DNAJA3: variants seen among roughly 807,000 people sequenced by gnomAD.
The protein encoded by DNAJA3 is DnaJ heat shock protein family (Hsp40) member A3.
DNAJA3 carries 29 observed loss-of-function variants against 54.9 expected under a neutral mutation model. The ratio of observed to expected loss-of-function variants is 0.53; its 90% CI spans 0.39 to 0.72. The LOEUF is 0.72. DNAJA3 is among the 30% of genes least tolerant of loss of function. The pLI is 0.00. For missense variants in DNAJA3, 708 were observed against 639.4 expected (o/e 1.11, Z -1.16); for synonymous variants, 302 against 251.4 (o/e 1.20, Z -1.90).
intron 2 of DNAJA3, 102 bp downstream of exon 2, chr16:4,434,619 C>G: frequency 7.5e-7 from 1 of 1,334,940 alleles, no homozygotes; most frequent in South Asian, 1.4e-5. Flanking sequence ...ATGAATAGGT[C>G]TCATGAGCTG....
intron 6 of DNAJA3, 124 bp from the exon 7 acceptor site, chr16:4,444,540 T>G: frequency 1.4e-6 from 1 of 719,916 alleles, no homozygotes; most frequent in Non-Finnish European, 2.4e-6. Flanking sequence ...TTCACCATGT[T>G]GGCCAGGATG....
At chr16:4,442,536 A>G in intron 5 of DNAJA3, 116 bp downstream of exon 5, 1 of 1,253,100 alleles carries the variant, frequency 8.0e-7, no homozygotes, top group Non-Finnish European at 1.1e-6. Context: ...TGGTGAACTC[A>G]GCCTGGCTGT....
At chr16:4,447,536 G>C (rs6500603) in intron 8 of DNAJA3, 102,369 of 152,836 alleles carry the variant, frequency 0.67, 34,579 homozygotes, top group Non-Finnish European at 0.71. Context: ...TAACCTCCAT[G>C]AAGGAGGTGG....
chr16:4,455,649 C>A lies in DNAJA3; in HGVS notation c.*117C>A. 6.7e-7 allele frequency: 1 copy of A among 1,501,300 alleles called. No homozygotes were observed. Among genetic ancestry groups the A allele is most frequent in the Non-Finnish European group, 9.1e-7 (1 of 1,101,738 alleles). 93.0% of individuals were successfully genotyped at this position (1,501,300 alleles called of 1,614,324 possible). A position where few individuals can be genotyped will look rare whatever the true frequency, so the allele number is the denominator to read the frequency against. On this transcript the variant is annotated 3_prime_UTR_variant, in exon 12 of 12. Coordinates refer to ENST00000262375, the MANE Select transcript of DNAJA3 (RefSeq NM_005147.6). ...CAGAACAGCAGCACTGAGCTCCCAC[C>A]CGCAGAGCCTCTGGACGGCCTTGGC...
At position 4,433,668 on chromosome 16, in the gene DNAJA3, AAAAATATG is replaced by A. The variant is rs146112104; in HGVS notation, c.212-701_212-694del. ...AGTTGTTAAGCATTAAATGTGACAG[AAAAATATG>A]AAAATATGAAAATACCTAGCAAATG... On this transcript the variant is annotated intron_variant, in intron 1 of 11. Coordinates refer to ENST00000262375, the MANE Select transcript of DNAJA3 (RefSeq NM_005147.6). Among the ~76,000 whole-genome samples, 430 of 152,306 alleles carry A rather than the reference AAAAATATG, an allele frequency of 2.8e-3. 5 individuals are homozygous for A. The highest frequency in any genetic ancestry group is 9.7e-3 in the African/African-American group (403 of 41,574).
At chr16:4,437,778 C>T (rs567523111) in intron 3 of DNAJA3, among the ~76,000 whole-genome samples, 1 of 143,684 alleles carries the variant, frequency 7.0e-6, no homozygotes, top group East Asian at 2.0e-4. Flanking sequence ...AGTAAGACCA[C>T]GTCTCTACAA....
intron 1 of DNAJA3, 135 bp downstream of exon 1, chr16:4,426,227 C>T: frequency 2.9e-6 from 3 of 1,031,200 alleles, no homozygotes; most frequent in South Asian, 4.2e-5. Flanking sequence ...GCCGGAGACA[C>T]AGACAGGCAG....
At chr16:4,428,856 T>C (rs1331811850) in intron 1 of DNAJA3, among the ~76,000 whole-genome samples, 2 of 151,260 alleles carry the variant, frequency 1.3e-5, no homozygotes, top group African/African-American at 4.9e-5. Context: ...CTGGGCAACA[T>C]AGGCAGATCC....
chr16:4,437,645 T>C (rs2056787728), intron 3 of DNAJA3, 160 bp downstream of exon 3: 2 of 613,724 alleles, frequency 3.3e-6, no homozygotes, highest in Non-Finnish European at 5.6e-6. Context: ...AAAAAAGAGA[T>C]TCCAGGCCAA....
rs1062706 is a variant in DNAJA3, at chr16:4,437,485, G to A, written c.429G>A (p.Glu143=). The change falls in exon 3 of 12, where the codon GAG becomes GAA. Residue 143 remains glutamate (E), a splice_region_variant and synonymous_variant. Transcript: ENST00000262375. Reference sequence around the variant, plus strand: ...TCTCCCAGCTGGCAGAAGCCTATGAGGTAATATGACTTCGGTGCATGCGGT... The same window carrying A: ...TCTCCCAGCTGGCAGAAGCCTATGAAGTAATATGACTTCGGTGCATGCGGT... ...EKFSQLAEAY[E]VLSDEVKRKQ... 0.014 allele frequency: 23,274 copies of A among 1,613,354 alleles called. 244 individuals are homozygous for A. Among genetic ancestry groups the A allele is most frequent in the Admixed American group, 0.032 (1,942 of 59,980 alleles).
chr16:4,448,930 A>G lies in DNAJA3; in HGVS notation c.1241+82A>G, dbSNP rs547643586. The G allele has an allele frequency of 1.6e-4, 164 of 1,021,618 alleles. No homozygotes were observed. The African/African-American group carries it at 2.3e-3, about 15-fold the overall frequency. 63.3% of individuals were successfully genotyped at this position (1,021,618 alleles called of 1,614,324 possible). A position where few individuals can be genotyped will look rare whatever the true frequency, so the allele number is the denominator to read the frequency against. On this transcript the variant is annotated intron_variant, in intron 9 of 11. Transcript: ENST00000262375. ...TGGAGCTCTGTGGCTTGGGCAGGTT[A>G]CTGCTCCCTGTAAGTCAGGTGGTTC...
At chr16:4,452,083 C>T (rs200274472) in intron 10 of DNAJA3, among the ~76,000 whole-genome samples, 1 of 151,720 alleles carries the variant, frequency 6.6e-6, no homozygotes, top group African/African-American at 2.4e-5. Context: ...AAAACAACAA[C>T]AAAAAAGCAG....
intron 9 of DNAJA3, 31 bp downstream of exon 9, chr16:4,448,879 G>T (rs749564392): frequency 3.2e-6 from 5 of 1,551,894 alleles, no homozygotes; most frequent in Non-Finnish European, 4.4e-6. Context: ...GGCCAAGCCC[G>T]CCTGGTCCTG....
chr16:4,428,632 G>T (rs551683697), intron 1 of DNAJA3, among the ~76,000 whole-genome samples: 1 of 152,312 alleles, frequency 6.6e-6, no homozygotes, highest in South Asian at 2.1e-4. Flanking sequence ...ACTGCGGTTA[G>T]CTGTCTTGTT....
At chr16:4,437,680 C>T in intron 3 of DNAJA3, 195 bp downstream of exon 3, 1 of 508,266 alleles carries the variant, frequency 2.0e-6, no homozygotes, top group Non-Finnish European at 3.5e-6. Flanking sequence ...TCCTGTAGTC[C>T]TAGCACTTTG....
intron 1 of DNAJA3, among the ~76,000 whole-genome samples, chr16:4,426,566 A>G (rs979449195): frequency 6.6e-6 from 1 of 152,260 alleles, no homozygotes; most frequent in African/African-American, 2.4e-5. Context: ...GAGTTAGACT[A>G]GAAGAGTTGT....
intron 9 of DNAJA3, 116 bp downstream of exon 9, chr16:4,448,964 GTT>G: frequency 1.4e-6 from 1 of 709,824 alleles, no homozygotes; most frequent in African/African-American, 1.8e-5. Context: ...TCCTGCCCGA[GTT>G]ATCTGTCTGT....
chr16:4,443,973 A>G (rs1259781392), intron 6 of DNAJA3, among the ~76,000 whole-genome samples: 1 of 152,216 alleles, frequency 6.6e-6, no homozygotes, highest in Non-Finnish European at 1.5e-5. Context: ...GTCATGAGCC[A>G]CCGCGCGTGG....
rs573980937 is a variant in DNAJA3 at position 4,444,655 on chromosome 16, C to A, written c.932-9C>A. Reference sequence around the variant, plus strand: ...TGCCTAACTTCTCCCTTTCTAATGTCCCTTGTAGGAGTCGAGGATGGCCAG... The same window carrying A: ...TGCCTAACTTCTCCCTTTCTAATGTACCTTGTAGGAGTCGAGGATGGCCAG... On this transcript the variant is annotated splice_polypyrimidine_tract_variant and intron_variant, in intron 6 of 11. Coordinates refer to ENST00000262375, the MANE Select transcript of DNAJA3 (RefSeq NM_005147.6). 7.4e-6 allele frequency: 12 copies of A among 1,613,670 alleles called. No homozygotes were observed. The highest frequency in any genetic ancestry group is 1.0e-5 in the Non-Finnish European group (12 of 1,179,758).
Sources: allele counts gnomAD v4.1 joint callset (sites outside exome capture counted in the v4.1 genomes callset), GRCh38; gene constraint gnomAD v4.1.1; transcripts MANE v1.5; gene names NCBI Gene and HGNC (gene_info 2026-07-23, HGNC 2026-07-21).